Variants in TEX35 observed in about 807,000 individuals in gnomAD.
The protein encoded by TEX35 is testis expressed 35.
In TEX35, 26 loss-of-function variants were observed where a neutral mutation model predicts 31.9. That is an observed-to-expected ratio of 0.81 (90% CI 0.60 to 1.13). TEX35 has a LOEUF of 1.13. TEX35 is among the 50% of genes most tolerant of loss of function. TEX35 has a pLI of 0.00. For synonymous variants in TEX35, 87 were observed against 90.7 expected (o/e 0.96, Z 0.23); for missense variants, 278 against 273.5 (o/e 1.02, Z -0.12).
Position 178,514,784 on chromosome 1 carries a change from T to C in TEX35, c.159+16T>C, listed in dbSNP as rs2101893637. The C allele has an allele frequency of 5.0e-6, 8 of 1,611,032 alleles. No homozygotes were observed. Among genetic ancestry groups the C allele is most frequent in the Non-Finnish European group, 6.8e-6 (8 of 1,178,178 alleles). ...GGACCTAAAGGTGAGTGCGTGAACTTGGAGGCATGTCTATATTCCAAACCA... is the reference window on the plus strand; with the variant it reads ...GGACCTAAAGGTGAGTGCGTGAACTCGGAGGCATGTCTATATTCCAAACCA... On this transcript the variant is annotated intron_variant, in intron 3 of 8. Transcript: ENST00000319416.
intron 6 of TEX35, 57 bp from the exon 7 acceptor site, chr1:178,520,616 G>A: frequency 6.3e-7 from 1 of 1,596,714 alleles, no homozygotes; most frequent in Non-Finnish European, 8.5e-7. Flanking sequence ...TTATCTCCTT[G>A]TCATGCTGCA....
intron 7 of TEX35, 134 bp from the exon 8 acceptor site, chr1:178,521,088 G>C: frequency 1.3e-6 from 2 of 1,583,404 alleles, no homozygotes. Flanking sequence ...ACTTGACCCT[G>C]GATGGGCCTA....
chr1:178,521,397 C>G, intron 8 of TEX35, 133 bp downstream of exon 8: 1 of 1,150,496 alleles, frequency 8.7e-7, no homozygotes, highest in Non-Finnish European at 1.3e-6. Context: ...TTAGCAGATG[C>G]TGCCACCCAG....
chr1:178,514,883 G>A (rs1650017219), intron 3 of TEX35, 115 bp downstream of exon 3: 1 of 831,336 alleles, frequency 1.2e-6, no homozygotes. Flanking sequence ...CATAGGCACA[G>A]TGCAATTATC....
chr1:178,516,033 C>A, intron 4 of TEX35, 118 bp downstream of exon 4: 2 of 828,102 alleles, frequency 2.4e-6, no homozygotes, highest in South Asian at 3.1e-5. Context: ...TAACTCAGTC[C>A]TAATACCCAG....
Position 178,520,758 on chromosome 1 carries a change from A to ATGGATGGAGCCAGTGGAG in TEX35, c.429_446dup (p.Asp144_Val149dup). ...AGAACCACAGCTCAGGCCCAAGAAA[A>ATGGATGGAGCCAGTGGAG]TGGATGGAGCCAGTGGAGTCAATGG... On this transcript the variant is annotated inframe_insertion, in exon 7 of 9. Transcript: ENST00000319416. The ATGGATGGAGCCAGTGGAG allele has an allele frequency of 4.3e-6, 7 of 1,614,122 alleles. No homozygotes were observed. The highest frequency in any genetic ancestry group is 5.1e-6 in the Non-Finnish European group (6 of 1,180,024).
downstream of TEX35, chr1:178,522,650 C>CTTTT: frequency 8.3e-7 from 1 of 1,200,502 alleles, no homozygotes. Context: ...TGGCCAAGTT[C>CTTTT]TTTTTTTTTG....
intron 6 of TEX35, 48 bp downstream of exon 6, chr1:178,520,484 C>T (rs1175218228): frequency 4.3e-6 from 7 of 1,613,928 alleles, no homozygotes; most frequent in Non-Finnish European, 5.9e-6. Context: ...AGGGTCTCCT[C>T]CCTTCCCTTT....
chr1:178,518,065 T>A (rs544416743), intron 5 of TEX35, among the ~76,000 whole-genome samples: 98 of 152,112 alleles, frequency 6.4e-4, no homozygotes, highest in African/African-American at 2.3e-3. Flanking sequence ...CATAAATCAA[T>A]AAGAACTAAG....
In TEX35 at chr1:178,520,669, C is replaced by T. The variant is rs777175274; in HGVS notation, c.342-4C>T. 2 of 1,613,678 alleles carry T rather than the reference C, an allele frequency of 1.2e-6. No homozygotes were observed. The highest frequency in any genetic ancestry group is 1.7e-6 in the Non-Finnish European group (2 of 1,179,788). The stretch of plus-strand genomic sequence containing the variant: ...TCTGCCCCTCCCTGGCCCTCCTCCC[C>T]CAGTCCCCTTAGAAGAGCACCAAAG... On this transcript the variant is annotated splice_region_variant and splice_polypyrimidine_tract_variant and intron_variant, in intron 6 of 8. Transcript: ENST00000319416.
In TEX35 at chr1:178,514,196, A is replaced by G. The variant is rs191830576; in HGVS notation, c.90+119A>G. Reference sequence around the variant, plus strand: ...CAAGATTTGTCCCAGGTGCTGGGGGATGCACTGAGAGTTCTTGCTCTCATA... The same window carrying G: ...CAAGATTTGTCCCAGGTGCTGGGGGGTGCACTGAGAGTTCTTGCTCTCATA... On this transcript the variant is annotated intron_variant, in intron 2 of 8. Coordinates refer to ENST00000319416, the MANE Select transcript of TEX35 (RefSeq NM_032126.5). 4.0e-5 allele frequency: 64 copies of G among 1,586,154 alleles called. No homozygotes were observed. The African/African-American group carries it at 8.0e-4, about 20-fold the overall frequency.
chr1:178,514,292 T>C, intron 2 of TEX35: 10 of 1,453,308 alleles, frequency 6.9e-6, no homozygotes, highest in Non-Finnish European at 8.3e-6. Flanking sequence ...CCTGCTCTGC[T>C]GGGAATCAAG....
intron 2 of TEX35, chr1:178,514,310 G>A: frequency 1.4e-6 from 2 of 1,390,420 alleles, no homozygotes; most frequent in Non-Finnish European, 1.9e-6. Flanking sequence ...AAGACAGGGA[G>A]ACATGTCTGA....
chr1:178,520,662 T>C lies in TEX35; in HGVS notation c.342-11T>C. The C allele has an allele frequency of 2.5e-6, 4 of 1,612,514 alleles. No homozygotes were observed. The highest frequency in any genetic ancestry group is 3.4e-6 in the Non-Finnish European group (4 of 1,179,402). ...CCAACTCTCTGCCCCTCCCTGGCCCTCCTCCCCCAGTCCCCTTAGAAGAGC... is the reference window on the plus strand; with the variant it reads ...CCAACTCTCTGCCCCTCCCTGGCCCCCCTCCCCCAGTCCCCTTAGAAGAGC... On this transcript the variant is annotated splice_polypyrimidine_tract_variant and intron_variant, in intron 6 of 8. Transcript: ENST00000319416.
At chr1:178,514,213 G>T (rs755580698) in intron 2 of TEX35, 136 bp downstream of exon 2, 64 of 1,569,128 alleles carry the variant, frequency 4.1e-5, no homozygotes, top group Non-Finnish European at 5.3e-5. Flanking sequence ...GAGAGTTCTT[G>T]CTCTCATAGA....
At position 178,520,762 on chromosome 1, in the gene TEX35, A is replaced by C; in HGVS notation, c.431A>C (p.Asp144Ala). The change falls in exon 7 of 9, where the codon GAT becomes GCT. Residue 144 changes from aspartate to alanine, a missense_variant. Physicochemically the swap from Asp to Ala is moderately radical, Grantham distance 126 (BLOSUM62 -2). Transcript: ENST00000319416. ...REPQLRPKKMDGASGVNGAPC... is the reference protein window; with the variant it reads ...REPQLRPKKMAGASGVNGAPC... Reference sequence around the variant, plus strand: ...CCACAGCTCAGGCCCAAGAAAATGGATGGAGCCAGTGGAGTCAATGGAGCA... The same window carrying C: ...CCACAGCTCAGGCCCAAGAAAATGGCTGGAGCCAGTGGAGTCAATGGAGCA... The C allele has an allele frequency of 6.2e-7, 1 of 1,614,138 alleles. No individual in the cohort carries two copies. The highest frequency in any genetic ancestry group is 8.5e-7 in the Non-Finnish European group (1 of 1,180,034).
rs765330762 is a variant in TEX35 at position 178,520,368 on chromosome 1, G to A, written c.277-4G>A. 47 of 1,613,102 alleles carry A rather than the reference G, an allele frequency of 2.9e-5. No homozygotes were observed. The highest frequency in any genetic ancestry group is 2.1e-4 in the African/African-American group (16 of 74,864). On this transcript the variant is annotated splice_polypyrimidine_tract_variant and splice_region_variant and intron_variant, in intron 5 of 8. Coordinates refer to ENST00000319416, the MANE Select transcript of TEX35 (RefSeq NM_032126.5). ...AGATGCTAGTTCTGAATTCTCTCTC[G>A]AAGGAAATGCAGAAAGATATGGATG...
intron 8 of TEX35, chr1:178,521,905 C>T: frequency 3.0e-6 from 4 of 1,345,036 alleles, no homozygotes; most frequent in Non-Finnish European, 3.9e-6. Flanking sequence ...AGACTCCAAC[C>T]CTTCCCCCTG....
At chr1:178,514,864 A>G in intron 3 of TEX35, 96 bp downstream of exon 3, 1 of 984,684 alleles carries the variant, frequency 1.0e-6, no homozygotes, top group Non-Finnish European at 1.6e-6. Flanking sequence ...ATACAAGAAT[A>G]TCCTCTTACA....
Sources: gnomAD v4.1 joint callset for allele counts (sites outside exome capture counted in the v4.1 genomes callset) on GRCh38, gnomAD v4.1.1 for gene constraint, MANE v1.5 for transcripts, NCBI Gene and HGNC (gene_info 2026-07-23, HGNC 2026-07-21) for gene names.